Variants in GAS2 observed in about 807,000 individuals in gnomAD.
GAS2 encodes growth arrest specific 2.
In GAS2, 20 loss-of-function variants were observed where a neutral mutation model predicts 37.5. The observed-to-expected ratio is 0.53, with a 90% CI of 0.37 to 0.77. The LOEUF (loss-of-function observed/expected upper bound fraction) is 0.77, where lower values mean the gene tolerates loss of function less well. Ranked by LOEUF, GAS2 falls within the 30% of genes least tolerant of loss-of-function variation. The pLI, the probability that GAS2 is intolerant of heterozygous loss-of-function variation, is 0.00. For missense variants in GAS2, 336 were observed against 373.4 expected (o/e 0.90, Z 0.82); for synonymous variants, 144 against 132.2 (o/e 1.09, Z -0.61).
rs1207495109 is a variant in GAS2, at chr11:22,757,653, C to A, written c.723+1700C>A. Reference sequence around the variant, plus strand: ...ATCATTTATTCTCTTGATTTTTATACTATCCACATACAATTTTACTATTTT... The same window carrying A: ...ATCATTTATTCTCTTGATTTTTATAATATCCACATACAATTTTACTATTTT... On this transcript the variant is annotated intron_variant, in intron 7 of 7. Transcript: ENST00000454584. Among the ~76,000 whole-genome samples the A allele has an allele frequency of 5.3e-5, 8 of 152,270 alleles. No individual in the cohort carries two copies. The East Asian group carries it at 1.5e-3, about 29-fold the overall frequency.
At chr11:22,715,386 G>A (rs1460190887) in intron 3 of GAS2, among the ~76,000 whole-genome samples, 2 of 149,546 alleles carry the variant, frequency 1.3e-5, no homozygotes, top group Admixed American at 6.7e-5. Context: ...ACTTGAACCC[G>A]GGAGGCGGAG....
intron 7 of GAS2, among the ~76,000 whole-genome samples, chr11:22,801,608 C>T (rs1363393969): frequency 6.6e-6 from 1 of 151,974 alleles, no homozygotes; most frequent in Non-Finnish European, 1.5e-5. Flanking sequence ...TTAAATATTG[C>T]ATTCATTATT....
intron 4 of GAS2, among the ~76,000 whole-genome samples, chr11:22,727,936 T>C (rs1222050410): frequency 1.3e-5 from 2 of 151,972 alleles, no homozygotes; most frequent in Non-Finnish European, 2.9e-5. Context: ...AATGTTAAGA[T>C]CGTGTAAAAA....
intron 7 of GAS2, among the ~76,000 whole-genome samples, chr11:22,785,721 T>C (rs1373456982): frequency 3.9e-5 from 6 of 152,162 alleles, no homozygotes. Context: ...CCTAGATATA[T>C]GCTACTTTCG....
At chr11:22,730,788 C>T (rs536504165) in intron 4 of GAS2, among the ~76,000 whole-genome samples, 1 of 151,604 alleles carries the variant, frequency 6.6e-6, no homozygotes, top group African/African-American at 2.4e-5. Flanking sequence ...CTATAGAAGG[C>T]TCTAGGTGTG....
intron 3 of GAS2, among the ~76,000 whole-genome samples, chr11:22,691,879 CT>C (rs1254159865): frequency 4.6e-5 from 7 of 152,152 alleles, no homozygotes; most frequent in South Asian, 2.1e-4. Flanking sequence ...TTAAATCCCC[CT>C]GTCACTATTT....
chr11:22,741,482 C>G (rs951325301), intron 5 of GAS2, among the ~76,000 whole-genome samples: 1 of 151,424 alleles, frequency 6.6e-6, no homozygotes. Context: ...TTGATATTTT[C>G]GTTTAGGGTC....
intron 2 of GAS2, among the ~76,000 whole-genome samples, chr11:22,682,221 C>G (rs1849715285): frequency 6.6e-6 from 1 of 151,914 alleles, no homozygotes; most frequent in South Asian, 2.1e-4. Flanking sequence ...AACAGGATAA[C>G]TAAAAAGATA....
chr11:22,647,109 T>C (rs1848706175), intron 1 of GAS2, among the ~76,000 whole-genome samples: 1 of 129,000 alleles, frequency 7.8e-6, no homozygotes, highest in Non-Finnish European at 1.6e-5. Context: ...AGTGTGATGT[T>C]CCCCTTCCTG....
intron 3 of GAS2, among the ~76,000 whole-genome samples, chr11:22,692,646 G>A (rs948139857): frequency 6.6e-6 from 1 of 152,148 alleles, no homozygotes; most frequent in Non-Finnish European, 1.5e-5. Flanking sequence ...AGCCATCAGA[G>A]GTATAACTTT....
At chr11:22,677,870 A>G (rs78215878) in intron 2 of GAS2, among the ~76,000 whole-genome samples, 3,064 of 152,290 alleles carry the variant, frequency 0.02, 112 homozygotes, top group African/African-American at 0.069. Context: ...TCCAGATCCA[A>G]AAGTCTGAGT....
At chr11:22,800,299 T>C (rs866436908) in intron 7 of GAS2, among the ~76,000 whole-genome samples, 49 of 152,102 alleles carry the variant, frequency 3.2e-4, no homozygotes, top group African/African-American at 1.1e-3. Flanking sequence ...CTGACCACCA[T>C]GGGGATGCTG....
At chr11:22,679,975 A>G (rs1474737989) in intron 2 of GAS2, among the ~76,000 whole-genome samples, 3 of 152,188 alleles carry the variant, frequency 2.0e-5, no homozygotes, top group Non-Finnish European at 2.9e-5. Flanking sequence ...TCCACTTAAT[A>G]TGAGCAATAT....
In GAS2 at chr11:22,636,824, G is replaced by GGT. The variant is rs553069501; in HGVS notation, c.-21+11012_-21+11013dup. On this transcript the variant is annotated intron_variant, in intron 1 of 5. Transcript: ENST00000528582. The stretch of plus-strand genomic sequence containing the variant: ...CTCTTCCTCTTTATATAAAGATATA[G>GGT]GTATATATATGTCTAGTAAGTATAT... Among the ~76,000 whole-genome samples, 8 of 146,256 alleles carry GGT rather than the reference G, an allele frequency of 5.5e-5. No individual in the cohort carries two copies. In the South Asian group the frequency reaches 1.7e-3, roughly 32 times the overall value.
intron 7 of GAS2, among the ~76,000 whole-genome samples, chr11:22,799,722 C>A (rs1219249582): frequency 3.9e-5 from 6 of 151,982 alleles, no homozygotes. Flanking sequence ...ATAAGCAATG[C>A]AGATATAATT....
At chr11:22,801,356 G>A (rs769519787) in intron 7 of GAS2, among the ~76,000 whole-genome samples, 3 of 151,870 alleles carry the variant, frequency 2.0e-5, no homozygotes, top group Admixed American at 6.6e-5. Context: ...GTTAACATGG[G>A]AAAGTTAACT....
At chr11:22,800,525 G>A (rs1856616169) in intron 7 of GAS2, among the ~76,000 whole-genome samples, 1 of 152,054 alleles carries the variant, frequency 6.6e-6, no homozygotes, top group Non-Finnish European at 1.5e-5. Flanking sequence ...CTAGTGAAGA[G>A]TGAGAGATGA....
chr11:22,706,531 G>C (rs1380015438), intron 3 of GAS2, among the ~76,000 whole-genome samples: 2 of 150,704 alleles, frequency 1.3e-5, no homozygotes, highest in African/African-American at 4.9e-5. Flanking sequence ...TCCCCTTCCT[G>C]TGTCCATGTG....
chr11:22,702,601 A>G (rs536545211), intron 3 of GAS2: 1 of 152,314 alleles, frequency 6.6e-6, no homozygotes, highest in South Asian at 2.1e-4. Flanking sequence ...CTTAAATTAT[A>G]AGAGGGTAAA....
Sources: gnomAD v4.1 joint callset for allele counts (sites outside exome capture counted in the v4.1 genomes callset) on GRCh38, gnomAD v4.1.1 for gene constraint, MANE v1.5 for transcripts, NCBI Gene and HGNC (gene_info 2026-07-23, HGNC 2026-07-21) for gene names.